The following HDAC9 variants were observed in gnomAD, a reference collection of about 807,000 sequenced individuals.
HDAC9 encodes histone deacetylase 9, also known as MEF-2 interacting transcription repressor (MITR) protein.
HDAC9 carries 41 observed loss-of-function variants against 139.4 expected under a neutral mutation model. The ratio of observed to expected loss-of-function variants is 0.29; its 90% CI spans 0.23 to 0.38. The LOEUF is 0.38. Among genes scored for constraint, HDAC9 ranks in the 10% least tolerant of loss-of-function variants. The pLI, the probability that HDAC9 is intolerant of heterozygous loss-of-function variation, is 1.00. For missense variants in HDAC9, 1,147 were observed against 1,297.0 expected (o/e 0.88, Z 1.78); for synonymous variants, 517 against 476.2 (o/e 1.09, Z -1.12).
At chr7:18,920,766 C>A (rs1461425587) in intron 22 of HDAC9, among the ~76,000 whole-genome samples, 4 of 151,998 alleles carry the variant, frequency 2.6e-5, no homozygotes, top group Non-Finnish European at 4.4e-5. Context: ...TGGTTTTTGT[C>A]TTTGGTTCTG....
At position 18,836,789 on chromosome 7, in the gene HDAC9, A is replaced by G. The variant is rs188379082; in HGVS notation, c.2684+792A>G. On this transcript the variant is annotated intron_variant, in intron 21 of 25. Transcript: ENST00000686413. ...TGAGTCTAGTTAATTCAACCTGAGG[A>G]GCCTCCCTTGCAAGATTTTTGGAAG... Among the ~76,000 whole-genome samples, 642 of 152,186 alleles carry G rather than the reference A, an allele frequency of 4.2e-3. 5 individuals are homozygous for G. Among genetic ancestry groups the G allele is most frequent in the Non-Finnish European group, 4.5e-3 (309 of 67,974 alleles).
intron 21 of HDAC9, among the ~76,000 whole-genome samples, chr7:18,863,247 A>C (rs1798243390): frequency 6.6e-6 from 1 of 152,046 alleles, no homozygotes; most frequent in Non-Finnish European, 1.5e-5. Flanking sequence ...AACACGAAAA[A>C]CCAGAGAGGG....
intron 3 of HDAC9, among the ~76,000 whole-genome samples, 185 bp downstream of exon 3, chr7:18,585,707 C>T (rs1474657299): frequency 6.6e-6 from 1 of 152,006 alleles, no homozygotes; most frequent in Non-Finnish European, 1.5e-5. Context: ...ACCTGTTTTG[C>T]TTCTCAGAGG....
chr7:18,839,652 A>T (rs189182914), intron 21 of HDAC9, among the ~76,000 whole-genome samples: 3 of 152,200 alleles, frequency 2.0e-5, no homozygotes, highest in African/African-American at 7.2e-5. Flanking sequence ...TTGGCTTCTT[A>T]AAAACTATGC....
At chr7:18,111,649 T>C (rs1166252502) in intron 1 of HDAC9, among the ~76,000 whole-genome samples, 1 of 152,218 alleles carries the variant, frequency 6.6e-6, no homozygotes, top group African/African-American at 2.4e-5. Context: ...TACTGTATTG[T>C]TTTTCAACTT....
At chr7:18,454,474 T>G (rs2128105248) in intron 1 of HDAC9, among the ~76,000 whole-genome samples, 1 of 152,150 alleles carries the variant, frequency 6.6e-6, no homozygotes, top group Non-Finnish European at 1.5e-5. Flanking sequence ...GTTACTCTAG[T>G]TTACAAAGCC....
At chr7:18,578,320 T>C in intron 2 of HDAC9, 1 of 475,188 alleles carries the variant, frequency 2.1e-6, no homozygotes, top group Non-Finnish European at 4.2e-6. Flanking sequence ...TCACACATGT[T>C]AGCCTGCGGA....
intron 21 of HDAC9, among the ~76,000 whole-genome samples, chr7:18,872,681 T>C (rs1308141831): frequency 6.6e-6 from 1 of 152,166 alleles, no homozygotes; most frequent in Non-Finnish European, 1.5e-5. Context: ...TAAAATTATG[T>C]GGGCAATCTT....
At chr7:18,897,850 T>G (rs1212966125) in intron 22 of HDAC9, among the ~76,000 whole-genome samples, 1 of 151,430 alleles carries the variant, frequency 6.6e-6, no homozygotes, top group Admixed American at 6.6e-5. Flanking sequence ...CCATTTCAGC[T>G]AAGGGTCTTT....
chr7:18,663,364 G>C (rs190195086), intron 11 of HDAC9, among the ~76,000 whole-genome samples: 2 of 151,966 alleles, frequency 1.3e-5, no homozygotes, highest in Non-Finnish European at 2.9e-5. Context: ...TTTACTTGGT[G>C]GGTGATATTT....
chr7:18,984,047 C>T (rs1785130693), intron 25 of HDAC9, among the ~76,000 whole-genome samples: 1 of 152,116 alleles, frequency 6.6e-6, no homozygotes, highest in African/African-American at 2.4e-5. Flanking sequence ...GTCCTCCATG[C>T]TTTCTCATGT....
chr7:18,930,969 G>T (rs546124052), intron 22 of HDAC9, among the ~76,000 whole-genome samples: 1 of 152,112 alleles, frequency 6.6e-6, no homozygotes, highest in South Asian at 2.1e-4. Flanking sequence ...TTAATCCAGT[G>T]ATTTGGTTTG....
At chr7:18,390,618 C>T (rs1786385021) in intron 1 of HDAC9, among the ~76,000 whole-genome samples, 1 of 152,118 alleles carries the variant, frequency 6.6e-6, no homozygotes, top group Admixed American at 6.5e-5. Flanking sequence ...GTACGTTGTT[C>T]AAAGGATATA....
At chr7:18,550,827 A>G (rs1414830267) in intron 2 of HDAC9, among the ~76,000 whole-genome samples, 1 of 152,166 alleles carries the variant, frequency 6.6e-6, no homozygotes, top group Non-Finnish European at 1.5e-5. Context: ...GGAAAGAAAG[A>G]TCTGACTACA....
At chr7:18,445,964 C>T (rs1792257146) in intron 1 of HDAC9, among the ~76,000 whole-genome samples, 1 of 152,210 alleles carries the variant, frequency 6.6e-6, no homozygotes, top group Non-Finnish European at 1.5e-5. Context: ...ATGACATAGA[C>T]ACTCATTTGC....
intron 24 of HDAC9, among the ~76,000 whole-genome samples, chr7:18,964,971 T>C (rs780343180): frequency 6.6e-6 from 1 of 152,088 alleles, no homozygotes; most frequent in East Asian, 1.9e-4. Flanking sequence ...TGTAGGGAAA[T>C]TGAGATAAAA....
chr7:18,488,704 A>G (rs1041651065), intron 1 of HDAC9, among the ~76,000 whole-genome samples: 13 of 152,068 alleles, frequency 8.5e-5, no homozygotes, highest in African/African-American at 3.1e-4. Context: ...ACTGTAAAGC[A>G]GAGTTACAAA....
intron 1 of HDAC9, among the ~76,000 whole-genome samples, chr7:18,390,304 C>G (rs189872277): frequency 1.1e-4 from 16 of 152,206 alleles, no homozygotes; most frequent in African/African-American, 3.6e-4. Context: ...ACTGAGAGAG[C>G]TGGAGAGGGG....
At chr7:18,410,806 T>TA (rs1562961627) in intron 1 of HDAC9, among the ~76,000 whole-genome samples, 1 of 152,194 alleles carries the variant, frequency 6.6e-6, no homozygotes, top group Non-Finnish European at 1.5e-5. Flanking sequence ...TGCCTAAATA[T>TA]TTTTTTAAAT....
Sources: allele counts gnomAD v4.1 joint callset (sites outside exome capture counted in the v4.1 genomes callset), GRCh38; gene constraint gnomAD v4.1.1; transcripts MANE v1.5; gene names NCBI Gene and HGNC (gene_info 2026-07-23, HGNC 2026-07-21).